ZNF174: variants seen among roughly 807,000 people sequenced by gnomAD.
ZNF174 encodes the protein zinc finger protein 174.
In ZNF174, 30 loss-of-function variants were observed where a neutral mutation model predicts 38.7. That is an observed-to-expected ratio of 0.78 (90% CI 0.58 to 1.05). The LOEUF is 1.05. Among genes scored for constraint, ZNF174 ranks in the 50% least tolerant of loss-of-function variants. The probability of loss-of-function intolerance (pLI) is 0.00; values close to 1 mark genes in which losing one functional copy is unlikely to be tolerated. For synonymous variants in ZNF174, 201 were observed against 181.7 expected (o/e 1.11, Z -0.86); for missense variants, 499 against 495.6 (o/e 1.01, Z -0.06).
At chr16:3,405,835 T>C (rs1018717909) in intron 2 of ZNF174, among the ~76,000 whole-genome samples, 1 of 152,154 alleles carries the variant, frequency 6.6e-6, no homozygotes, top group Non-Finnish European at 1.5e-5. Context: ...GGCGAAATCC[T>C]GTCTCTACAA....
Position 3,409,293 on chromosome 16 carries a change from C to T in ZNF174, c.*374C>T, listed in dbSNP as rs1456979087. 5.5e-6 allele frequency: 1 copy of T among 180,608 alleles called. No homozygotes were observed. The highest frequency in any genetic ancestry group is 1.2e-5 in the Non-Finnish European group (1 of 83,954). 11.2% of individuals were successfully genotyped at this position (180,608 alleles called of 1,614,324 possible). A position where few individuals can be genotyped will look rare whatever the true frequency, so the allele number is the denominator to read the frequency against. On this transcript the variant is annotated 3_prime_UTR_variant, in exon 3 of 3. Transcript: ENST00000268655. ...GATAAATTCTATATATATAGTTATG[C>T]ATTTGCTGTCATACCAGACAATTTT...
chr16:3,402,386 T>C lies in ZNF174; in HGVS notation c.382T>C (p.Ser128Pro), dbSNP rs760459139. 6.2e-7 allele frequency: 1 copy of C among 1,613,646 alleles called. No homozygotes were observed. Among genetic ancestry groups the C allele is most frequent in the Non-Finnish European group, 8.5e-7 (1 of 1,179,912 alleles). The change falls in exon 1 of 3, where the codon TCC (serine) becomes CCC (proline). Residue 128 changes from serine (S) to proline (P), a missense_variant. Physicochemically the swap from Ser to Pro is moderately conservative, Grantham distance 74 (BLOSUM62 -1). Transcript: ENST00000268655. ...VTLVEDFHRA[S>P]KKPKQWVAVC... ...CCTCGTGGAAGATTTTCACAGAGCATCCAAGAAACCAAAGCAGTGGGTAAG... is the reference window on the plus strand; with the variant it reads ...CCTCGTGGAAGATTTTCACAGAGCACCCAAGAAACCAAAGCAGTGGGTAAG...
chr16:3,401,983 G>A lies in ZNF174; in HGVS notation c.-22G>A. 6.2e-7 allele frequency: 1 copy of A among 1,608,184 alleles called. No individual in the cohort carries two copies. The highest frequency in any genetic ancestry group is 1.7e-5 in the Admixed American group (1 of 58,136). On this transcript the variant is annotated 5_prime_UTR_variant, in exon 1 of 3. Coordinates refer to ENST00000268655, the MANE Select transcript of ZNF174 (RefSeq NM_003450.3). ...AAGGCTTAACCCGTTTACAAGGAGA[G>A]AGTTGTCTCCTGACGCCCAAAATGG...
intron 1 of ZNF174, 27 bp downstream of exon 1, chr16:3,402,433 T>C: frequency 6.5e-7 from 1 of 1,537,592 alleles, no homozygotes; most frequent in Non-Finnish European, 8.8e-7. Flanking sequence ...CCCATCATCC[T>C]GGGGATTTCT....
Position 3,404,517 on chromosome 16 carries a change from C to T in ZNF174, c.494C>T (p.Thr165Ile), listed in dbSNP as rs1000169149. ...GAACTGCCAGACTTTCAACCGCAGA[C>T]TCCTAGGAGAGATCTCAGGGAGAGC... ...EQELPDFQPQ[T>I]PRRDLRESSP... The change falls in exon 2 of 3, where the codon ACT becomes ATT. Residue 165 changes from threonine (T) to isoleucine (I), a missense_variant. Coordinates refer to ENST00000268655, the MANE Select transcript of ZNF174 (RefSeq NM_003450.3). 1 of 1,614,236 alleles carries T rather than the reference C, an allele frequency of 6.2e-7. No homozygotes were observed. Among genetic ancestry groups the T allele is most frequent in the Non-Finnish European group, 8.5e-7 (1 of 1,180,038 alleles).
At chr16:3,403,300 G>C (rs1363020037) in intron 1 of ZNF174, among the ~76,000 whole-genome samples, 3 of 151,128 alleles carry the variant, frequency 2.0e-5, no homozygotes, top group African/African-American at 7.3e-5. Flanking sequence ...CTCCTGAGTA[G>C]CTGGGTTTAC....
In ZNF174 at chr16:3,401,777, A is replaced by G. The variant is rs534345647; in HGVS notation, c.-228A>G. 168 of 526,238 alleles carry G rather than the reference A, an allele frequency of 3.2e-4. No individual in the cohort carries two copies. The highest frequency in any genetic ancestry group is 3.2e-3 in the African/African-American group (164 of 51,410). The allele number at this position is 526,238 out of a possible 1,614,324, so 32.6% of individuals were successfully genotyped here. ...GACTTTTCTCCTTTGCAAGACTGCAAAAAACTGACAAGAAGACAAAACTCT... is the reference window on the plus strand; with the variant it reads ...GACTTTTCTCCTTTGCAAGACTGCAGAAAACTGACAAGAAGACAAAACTCT... On this transcript the variant is annotated 5_prime_UTR_variant, in exon 1 of 3. Transcript: ENST00000268655.
chr16:3,405,423 G>C (rs142866475), intron 2 of ZNF174, among the ~76,000 whole-genome samples: 48 of 152,244 alleles, frequency 3.2e-4, no homozygotes, highest in African/African-American at 1.1e-3. Context: ...AGCATGGTTG[G>C]GTTCCAGTGA....
At chr16:3,404,348 G>A (rs1321853923) in intron 1 of ZNF174, 78 bp from the exon 2 acceptor site, 14 of 1,402,098 alleles carry the variant, frequency 1.0e-5, no homozygotes, top group South Asian at 2.9e-5. Flanking sequence ...CAAGGTAAAC[G>A]GGTCATTATA....
chr16:3,406,213 G>C (rs1202478046), intron 2 of ZNF174, among the ~76,000 whole-genome samples: 1 of 152,006 alleles, frequency 6.6e-6, no homozygotes, highest in Admixed American at 6.6e-5. Context: ...ATAGATTTTT[G>C]GGTTGTTTCT....
chr16:3,408,951 A>C lies in ZNF174; in HGVS notation c.*32A>C, dbSNP rs777820979. 4 of 1,555,568 alleles carry C rather than the reference A, an allele frequency of 2.6e-6. No homozygotes were observed. The highest frequency in any genetic ancestry group is 3.5e-6 in the Non-Finnish European group (4 of 1,149,560). Reference sequence around the variant, plus strand: ...CACTCCATGCTTTAGATTCACACGGAAGGTGTTTGTGTTTCTCCTCCCCCT... The same window carrying C: ...CACTCCATGCTTTAGATTCACACGGCAGGTGTTTGTGTTTCTCCTCCCCCT... On this transcript the variant is annotated 3_prime_UTR_variant, in exon 3 of 3. Coordinates refer to ENST00000268655, the MANE Select transcript of ZNF174 (RefSeq NM_003450.3).
intron 1 of ZNF174, 108 bp from the exon 2 acceptor site, chr16:3,404,318 A>G: frequency 8.8e-7 from 1 of 1,133,922 alleles, no homozygotes; most frequent in Non-Finnish European, 1.3e-6. Context: ...GTTGACCTCT[A>G]GATGGTTATC....
rs375512491 is a variant in ZNF174, at chr16:3,408,788, C to T, written c.1093C>T (p.Arg365Trp). 2.4e-5 allele frequency: 39 copies of T among 1,613,958 alleles called. No homozygotes were observed. The highest frequency in any genetic ancestry group is 3.1e-5 in the Non-Finnish European group (36 of 1,180,028). Residue 365 changes from arginine (R) to tryptophan (W), a missense_variant, in exon 3 of 3, where the codon CGG becomes TGG. Coordinates refer to ENST00000268655, the MANE Select transcript of ZNF174 (RefSeq NM_003450.3). ...CGGAGAGTGTGGAAACTGCTTTGGG[C>T]GGCAGTCAACCCTGAAGCTGCACCA... ...TCGECGNCFG[R>W]QSTLKLHQRI...
intron 1 of ZNF174, 47 bp downstream of exon 1, chr16:3,402,453 C>CTTTTTTTT (rs56903674): frequency 8.5e-6 from 11 of 1,300,682 alleles, no homozygotes; most frequent in Admixed American, 5.6e-5. Context: ...TTTTTCTTTT[C>CTTTTTTTT]TTTTTTTTTT....
Position 3,404,623 on chromosome 16 carries a change from A to C in ZNF174, c.600A>C (p.Glu200Asp). 6.2e-7 allele frequency: 1 copy of C among 1,614,196 alleles called. No homozygotes were observed. The highest frequency in any genetic ancestry group is 8.5e-7 in the Non-Finnish European group (1 of 1,180,032). Residue 200 changes from glutamate to aspartate, a missense_variant, in exon 2 of 3, where the codon GAA (glutamate) becomes GAC (aspartate). Physicochemically the swap from Glu to Asp is conservative, Grantham distance 45. Coordinates refer to ENST00000268655, the MANE Select transcript of ZNF174 (RefSeq NM_003450.3). ...HHWEKSPLLQ[E>D]PTPKLAGTEA... ...GGGAGAAATCCCCACTCCTCCAAGA[A>C]CCAACCCCCAAATTGGCTGGGACAG...
chr16:3,402,320 G>A lies in ZNF174; in HGVS notation c.316G>A (p.Val106Ile). Residue 106 changes from valine to isoleucine, a missense_variant, in exon 1 of 3, where the codon GTC becomes ATC. Coordinates refer to ENST00000268655, the MANE Select transcript of ZNF174 (RefSeq NM_003450.3). ...CCTGCCCCCGGAGATCCAGGCTCGG[G>A]TCAGGCATCGATGTCCAATGAGCAG... is the stretch of plus-strand genomic sequence containing the variant. ...TILPPEIQAR[V>I]RHRCPMSSKE... The A allele has an allele frequency of 6.2e-7, 1 of 1,614,114 alleles. No homozygotes were observed.
rs2034081771 is a variant in ZNF174, at chr16:3,408,344, A to G, written c.649A>G (p.Asn217Asp). Residue 217 changes from asparagine to aspartate, a missense_variant, in exon 3 of 3, where the codon AAC becomes GAC. Transcript: ENST00000268655. The stretch of plus-strand genomic sequence containing the variant: ...AGAGGCCCCCAGAATGAGAAGTGAC[A>G]ACAAGGAAAATCCACAACAGGAAGG... ...GTEAPRMRSD[N>D]KENPQQEGAK... 1.9e-6 allele frequency: 3 copies of G among 1,593,434 alleles called. No homozygotes were observed. The highest frequency in any genetic ancestry group is 2.7e-5 in the African/African-American group (2 of 73,814).
intron 1 of ZNF174, among the ~76,000 whole-genome samples, chr16:3,403,578 C>T (rs1233864198): frequency 2.0e-5 from 3 of 151,642 alleles, no homozygotes; most frequent in Non-Finnish European, 4.4e-5. Context: ...CCTCCATGTC[C>T]AGCTCAAGTG....
In ZNF174 at chr16:3,402,064, G is replaced by A; in HGVS notation, c.60G>A (p.Glu20=). 1 of 1,614,060 alleles carries A rather than the reference G, an allele frequency of 6.2e-7. No homozygotes were observed. The highest frequency in any genetic ancestry group is 2.2e-5 in the East Asian group (1 of 44,884). ...SSNTEASSKQ[E]RHIIAKLEEK... is the part of the protein sequence containing the mutation. Reference sequence around the variant, plus strand: ...ACACTGAAGCTTCCTCCAAGCAAGAGAGACACATAATAGCCAAACTAGAAG... The same window carrying A: ...ACACTGAAGCTTCCTCCAAGCAAGAAAGACACATAATAGCCAAACTAGAAG... The change falls in exon 1 of 3, where the codon GAG becomes GAA. Residue 20 remains glutamate (E), a synonymous_variant. Coordinates refer to ENST00000268655, the MANE Select transcript of ZNF174 (RefSeq NM_003450.3).
Sources: allele counts gnomAD v4.1 joint callset (sites outside exome capture counted in the v4.1 genomes callset), GRCh38; gene constraint gnomAD v4.1.1; transcripts MANE v1.5; gene names NCBI Gene and HGNC (gene_info 2026-07-23, HGNC 2026-07-21).